The following RAB7A variants were observed in gnomAD, a reference collection of about 807,000 sequenced individuals.
RAB7A encodes the protein RAB7A, member RAS oncogene family, also known as ras-related protein Rab-7a.
RAB7A carries 2 observed loss-of-function variants against 24.5 expected under a neutral mutation model. The ratio of observed to expected loss-of-function variants is 0.08; its 90% CI spans 0.03 to 0.26. The LOEUF (loss-of-function observed/expected upper bound fraction) is 0.26. Among genes scored for constraint, RAB7A ranks in the 10% least tolerant of loss-of-function variants. The pLI is 1.00. For synonymous variants in RAB7A, 100 were observed against 95.9 expected (o/e 1.04, Z -0.25); for missense variants, 118 against 255.7 (o/e 0.46, Z 3.67).
At chr3:128,809,847 G>A (rs1406421170) in intron 5 of RAB7A, among the ~76,000 whole-genome samples, 1 of 149,368 alleles carries the variant, frequency 6.7e-6, no homozygotes, top group Non-Finnish European at 1.5e-5. Flanking sequence ...GGTCTCTCCA[G>A]TCTGTTCTGG....
chr3:128,756,243 TGAGGCAGGAGAATCGCTTG>T (rs573214075), intron 1 of RAB7A, among the ~76,000 whole-genome samples: 1,807 of 152,054 alleles, frequency 0.012, 32 homozygotes, highest in African/African-American at 0.039. Context: ...GGTGGGAGGC[TGAGGCAGGAGAATCGCTTG>T]GAGGCAGGAG....
intron 1 of RAB7A, among the ~76,000 whole-genome samples, chr3:128,772,825 C>G (rs1026238905): frequency 6.6e-6 from 1 of 152,246 alleles, no homozygotes; most frequent in Non-Finnish European, 1.5e-5. Flanking sequence ...CTCCTAACCG[C>G]GAGTGATCTG....
intron 1 of RAB7A, among the ~76,000 whole-genome samples, chr3:128,750,230 G>A (rs934250020): frequency 6.6e-6 from 1 of 152,158 alleles, no homozygotes; most frequent in Non-Finnish European, 1.5e-5. Flanking sequence ...TTTAACTTGA[G>A]AGAGATGATT....
In RAB7A at chr3:128,734,397, T is replaced by A. The variant is rs535944747; in HGVS notation, c.-9+8038T>A. On this transcript the variant is annotated intron_variant, in intron 1 of 5. Transcript: ENST00000265062. The stretch of plus-strand genomic sequence containing the variant: ...ATGAGAATCGCTTGAACCTGGGAGG[T>A]GGAGCTGAGATTTCACCACTGCACT... 1.4e-4 allele frequency among the ~76,000 whole-genome samples: 19 copies of A among 134,382 alleles called. No homozygotes were observed. The South Asian group carries it at 4.1e-3, about 29-fold the overall frequency. 88.2% of individuals were successfully genotyped at this position (134,382 alleles called of 152,430 possible). A position where few individuals can be genotyped will look rare whatever the true frequency, so the allele number is the denominator to read the frequency against.
intron 5 of RAB7A, among the ~76,000 whole-genome samples, chr3:128,809,874 T>G (rs1576305097): frequency 6.6e-6 from 1 of 150,942 alleles, no homozygotes; most frequent in African/African-American, 2.4e-5. Context: ...CCATGCCATG[T>G]TCCCTTATCT....
chr3:128,777,279 G>A (rs1372606788), intron 1 of RAB7A, among the ~76,000 whole-genome samples: 1 of 151,972 alleles, frequency 6.6e-6, no homozygotes, highest in Non-Finnish European at 1.5e-5. Context: ...CTACAGCCTT[G>A]ACATCCTGGG....
intron 1 of RAB7A, among the ~76,000 whole-genome samples, chr3:128,761,052 A>G (rs2070772507): frequency 6.6e-6 from 1 of 152,132 alleles, no homozygotes; most frequent in Non-Finnish European, 1.5e-5. Context: ...AAGAGGTCAG[A>G]TTTTTCCAGC....
In RAB7A at chr3:128,779,069, G is replaced by GT. The variant is rs752675468; in HGVS notation, c.-8-16290dup. On this transcript the variant is annotated intron_variant, in intron 1 of 5. Coordinates refer to ENST00000265062, the MANE Select transcript of RAB7A (RefSeq NM_004637.6). ...AGAAACCAGGTGATGTTTCAGTATT[G>GT]TGGACCAAGTATATCGACTAATATA... 2.4e-4 allele frequency among the ~76,000 whole-genome samples: 36 copies of GT among 152,202 alleles called. 1 individual carries two copies. Among genetic ancestry groups the GT allele is most frequent in the South Asian group, 4.1e-4 (2 of 4,834 alleles).
intron 1 of RAB7A, among the ~76,000 whole-genome samples, chr3:128,758,573 C>A (rs62272584): frequency 0.047 from 7,224 of 152,148 alleles, 303 homozygotes; most frequent in South Asian, 0.13. Flanking sequence ...ACTGGCCCAG[C>A]CTCCTGCGTT....
intron 1 of RAB7A, among the ~76,000 whole-genome samples, chr3:128,736,544 G>A (rs777240509): frequency 3.3e-5 from 5 of 152,168 alleles, no homozygotes; most frequent in African/African-American, 9.7e-5. Context: ...AGGAGCAGCC[G>A]TGATAGGAGT....
intron 1 of RAB7A, among the ~76,000 whole-genome samples, chr3:128,758,522 G>A (rs544599340): frequency 2.6e-5 from 4 of 151,948 alleles, no homozygotes; most frequent in East Asian, 1.9e-4. Context: ...TGATCCGCCC[G>A]CCTCGGCCTC....
At position 128,761,201 on chromosome 3, in the gene RAB7A, A is replaced by C. The variant is rs182843676; in HGVS notation, c.-8-34159A>C. Among the ~76,000 whole-genome samples, 4 of 152,338 alleles carry C rather than the reference A, an allele frequency of 2.6e-5. No individual in the cohort carries two copies. The East Asian group carries it at 7.7e-4, about 29-fold the overall frequency. On this transcript the variant is annotated intron_variant, in intron 1 of 5. Transcript: ENST00000265062. ...CTCTGTACCCAGTTGAGGATTCAAC[A>C]TCTAGGTATCCTCTTTGGGAAGCGT...
At chr3:128,809,934 G>GTTTTTTTTTTTTTTTTTTTTTTTT (rs1231077081) in intron 5 of RAB7A, among the ~76,000 whole-genome samples, 1 of 47,550 alleles carries the variant, frequency 2.1e-5, no homozygotes, top group African/African-American at 8.3e-5. Flanking sequence ...TCTTGCCACA[G>GTTTTTTTTTTTTTTTTTTTTTTTT]TCTTTTTTTT....
In RAB7A at chr3:128,797,317, T is replaced by C. The variant is rs753867408; in HGVS notation, c.54-626T>C. On this transcript the variant is annotated intron_variant, in intron 2 of 5. Coordinates refer to ENST00000265062, the MANE Select transcript of RAB7A (RefSeq NM_004637.6). Reference sequence around the variant, plus strand: ...GGGGGGAAGGTTTTTGTATTAGCTTTAGGTTACCTTAACCTTATCACACAA... The same window carrying C: ...GGGGGGAAGGTTTTTGTATTAGCTTCAGGTTACCTTAACCTTATCACACAA... Among the ~76,000 whole-genome samples the C allele has an allele frequency of 1.5e-4, 23 of 151,342 alleles. No homozygotes were observed. The South Asian group carries it at 2.3e-3, about 15-fold the overall frequency.
intron 1 of RAB7A, among the ~76,000 whole-genome samples, chr3:128,787,174 T>A (rs1933357994): frequency 6.6e-6 from 1 of 152,214 alleles, no homozygotes; most frequent in African/African-American, 2.4e-5. Flanking sequence ...AAAAGCCAAC[T>A]GTGATTAGGA....
At chr3:128,804,121 C>T (rs967231680) in intron 3 of RAB7A, among the ~76,000 whole-genome samples, 1 of 151,244 alleles carries the variant, frequency 6.6e-6, no homozygotes, top group African/African-American at 2.4e-5. Flanking sequence ...TGGGCCCCCC[C>T]CCGCCCCCAG....
chr3:128,731,850 A>G (rs908516872), intron 1 of RAB7A, among the ~76,000 whole-genome samples: 2 of 151,938 alleles, frequency 1.3e-5, no homozygotes, highest in Non-Finnish European at 2.9e-5. Context: ...TACTAAAAAT[A>G]TAAAAATTAG....
intron 1 of RAB7A, among the ~76,000 whole-genome samples, chr3:128,771,214 G>A (rs140520917): frequency 0.012 from 1,819 of 152,172 alleles, 33 homozygotes; most frequent in African/African-American, 0.039. Flanking sequence ...CAAGTGATCC[G>A]GCCGCCTCAG....
At chr3:128,782,606 C>G (rs1933244837) in intron 1 of RAB7A, among the ~76,000 whole-genome samples, 1 of 143,072 alleles carries the variant, frequency 7.0e-6, no homozygotes, top group Non-Finnish European at 1.5e-5. Flanking sequence ...CAGCATGCCT[C>G]TGTTGTCCAT....
Sources: allele counts gnomAD v4.1 joint callset (sites outside exome capture counted in the v4.1 genomes callset), GRCh38; gene constraint gnomAD v4.1.1; transcripts MANE v1.5; gene names NCBI Gene and HGNC (gene_info 2026-07-23, HGNC 2026-07-21).